The following ACYP2 variants were observed in gnomAD, a reference collection of about 807,000 sequenced individuals.
The protein encoded by ACYP2 is acylphosphatase-2.
In ACYP2, 12 loss-of-function variants were observed where a neutral mutation model predicts 11.2. The ratio of observed to expected loss-of-function variants is 1.08; its 90% CI spans 0.69 to 1.74. ACYP2 has a LOEUF of 1.74. Among genes scored for constraint, ACYP2 ranks in the 40% most tolerant of loss-of-function variants. The probability of loss-of-function intolerance (pLI) is 0.00; values close to 1 mark genes in which losing one functional copy is unlikely to be tolerated. For missense variants in ACYP2, 134 were observed against 101.9 expected (o/e 1.31, Z -1.35); for synonymous variants, 43 against 32.2 (o/e 1.33, Z -1.13).
chr2:54,029,258 C>G (rs1377675502), intron 2 of ACYP2, among the ~76,000 whole-genome samples: 2 of 152,128 alleles, frequency 1.3e-5, no homozygotes, highest in Non-Finnish European at 2.9e-5. Context: ...CCTACAAAAA[C>G]TACAGCGGTG....
At chr2:54,284,585 C>T (rs1688997838) in intron 6 of ACYP2, among the ~76,000 whole-genome samples, 2 of 152,112 alleles carry the variant, frequency 1.3e-5, no homozygotes, top group African/African-American at 4.8e-5. Flanking sequence ...CACATCATCA[C>T]CTTTTTTTTT....
chr2:54,040,613 G>A (rs932217288), intron 2 of ACYP2, among the ~76,000 whole-genome samples: 6 of 152,176 alleles, frequency 3.9e-5, no homozygotes, highest in African/African-American at 1.4e-4. Context: ...CAGAGAAATA[G>A]GGGAAAGATT....
intron 6 of ACYP2, among the ~76,000 whole-genome samples, chr2:54,278,718 A>G (rs574088404): frequency 7.9e-5 from 12 of 152,232 alleles, no homozygotes; most frequent in Non-Finnish European, 1.5e-5. Context: ...ATAAAAATCA[A>G]TTTGGCTTAT....
intron 6 of ACYP2, among the ~76,000 whole-genome samples, chr2:54,156,046 C>G (rs1572865532): frequency 6.6e-6 from 1 of 151,904 alleles, no homozygotes; most frequent in Admixed American, 6.6e-5. Flanking sequence ...TTTATATATG[C>G]CAGGCACTGT....
intron 6 of ACYP2, among the ~76,000 whole-genome samples, chr2:54,270,559 A>T (rs963127941): frequency 6.6e-6 from 1 of 152,202 alleles, no homozygotes; most frequent in Non-Finnish European, 1.5e-5. Flanking sequence ...GTGAGCCATG[A>T]TCACACAACT....
chr2:54,293,527 G>C (rs1284684936), intron 6 of ACYP2, among the ~76,000 whole-genome samples: 1 of 152,202 alleles, frequency 6.6e-6, no homozygotes, highest in Non-Finnish European at 1.5e-5. Context: ...CCAAGACCAA[G>C]AGGTCTCACT....
intron 6 of ACYP2, among the ~76,000 whole-genome samples, chr2:54,281,720 C>T (rs974644061): frequency 3.3e-5 from 5 of 152,088 alleles, no homozygotes; most frequent in African/African-American, 1.2e-4. Flanking sequence ...GGTGAGAGAA[C>T]TAGGAAGGAG....
At chr2:54,014,610 C>T (rs750220248) in intron 2 of ACYP2, among the ~76,000 whole-genome samples, 12 of 152,146 alleles carry the variant, frequency 7.9e-5, no homozygotes, top group African/African-American at 1.2e-4. Context: ...CTTGAGCCAC[C>T]GCTCCCAGCC....
At chr2:54,138,182 G>GC (rs1343206226) in intron 5 of ACYP2, among the ~76,000 whole-genome samples, 2 of 152,030 alleles carry the variant, frequency 1.3e-5, no homozygotes, top group Non-Finnish European at 2.9e-5. Context: ...ATTTCGAAGT[G>GC]TTGTAGTCTC....
At chr2:54,150,122 C>A (rs1269655422) in intron 6 of ACYP2, among the ~76,000 whole-genome samples, 1 of 152,152 alleles carries the variant, frequency 6.6e-6, no homozygotes, top group Non-Finnish European at 1.5e-5. Flanking sequence ...AACCCACGGC[C>A]TGTTTTGCAA....
At chr2:54,108,130 C>T (rs933649046) in intron 4 of ACYP2, among the ~76,000 whole-genome samples, 1 of 152,330 alleles carries the variant, frequency 6.6e-6, no homozygotes, top group African/African-American at 2.4e-5. Flanking sequence ...AACTCCTCCG[C>T]GACTGTGCTT....
chr2:54,206,715 C>T (rs1268419854), intron 6 of ACYP2, among the ~76,000 whole-genome samples: 3 of 152,152 alleles, frequency 2.0e-5, no homozygotes, highest in African/African-American at 4.8e-5. Flanking sequence ...CTACTGGCTC[C>T]AAAATGTAAT....
intron 2 of ACYP2, among the ~76,000 whole-genome samples, chr2:54,009,908 C>G (rs1040353085): frequency 1.3e-5 from 2 of 152,068 alleles, no homozygotes; most frequent in East Asian, 3.9e-4. Flanking sequence ...ATTCAGTAAC[C>G]TGTCCCTGGC....
intron 6 of ACYP2, among the ~76,000 whole-genome samples, chr2:54,221,702 G>T (rs1237463107): frequency 6.6e-6 from 1 of 151,634 alleles, no homozygotes; most frequent in Admixed American, 6.6e-5. Context: ...TGTATTTTTA[G>T]TAGAGACAAG....
At chr2:54,210,237 A>ACTT (rs1685277929) in intron 6 of ACYP2, among the ~76,000 whole-genome samples, 6 of 152,028 alleles carry the variant, frequency 3.9e-5, no homozygotes, top group Non-Finnish European at 7.4e-5. Flanking sequence ...TATATCATAA[A>ACTT]GCAGAGTTCC....
At chr2:54,119,957 C>G (rs1680048798) in intron 4 of ACYP2, among the ~76,000 whole-genome samples, 1 of 152,166 alleles carries the variant, frequency 6.6e-6, no homozygotes, top group Non-Finnish European at 1.5e-5. Flanking sequence ...TTGTAGAATG[C>G]TCCCCAATTG....
At chr2:54,156,587 A>C (rs1327497542) in intron 6 of ACYP2, among the ~76,000 whole-genome samples, 2 of 152,236 alleles carry the variant, frequency 1.3e-5, no homozygotes, top group East Asian at 3.8e-4. Context: ...TGCAAAGGAC[A>C]TGAGTTCATT....
At chr2:54,187,342 A>G (rs1302293045) in intron 6 of ACYP2, among the ~76,000 whole-genome samples, 1 of 152,226 alleles carries the variant, frequency 6.6e-6, no homozygotes, top group Non-Finnish European at 1.5e-5. Context: ...GGAACCCAAG[A>G]ACCCAGGAGT....
intron 1 of ACYP2, among the ~76,000 whole-genome samples, chr2:53,972,399 G>A (rs1671198086): frequency 6.6e-6 from 1 of 151,202 alleles, no homozygotes; most frequent in Non-Finnish European, 1.5e-5. Context: ...GGGGTCAGGA[G>A]ATGGAGACCA....
Sources: gnomAD v4.1 joint callset for allele counts (sites outside exome capture counted in the v4.1 genomes callset) on GRCh38, gnomAD v4.1.1 for gene constraint, MANE v1.5 for transcripts, NCBI Gene and HGNC (gene_info 2026-07-23, HGNC 2026-07-21) for gene names.